The following HDAC9 variants were observed in gnomAD, a reference collection of about 807,000 sequenced individuals.
HDAC9 encodes histone deacetylase 9.
Under a neutral mutation model 139.4 loss-of-function variants are expected in HDAC9, and 41 were observed. That is an observed-to-expected ratio of 0.29 (90% CI 0.23 to 0.38). HDAC9 has a LOEUF of 0.38. Among genes scored for constraint, HDAC9 ranks in the 10% least tolerant of loss-of-function variants. The pLI, the probability that HDAC9 is intolerant of heterozygous loss-of-function variation, is 1.00. For synonymous variants in HDAC9, 517 were observed against 476.2 expected (o/e 1.09, Z -1.12); for missense variants, 1,147 against 1,297.0 (o/e 0.88, Z 1.78).
intron 2 of HDAC9, among the ~76,000 whole-genome samples, chr7:18,267,969 A>G (rs1232411066): frequency 1.3e-5 from 2 of 152,094 alleles, no homozygotes; most frequent in Non-Finnish European, 2.9e-5. Context: ...AGTATTTCCA[A>G]TTTTACTCTT....
intron 1 of HDAC9, among the ~76,000 whole-genome samples, chr7:18,433,290 T>C (rs1041587438): frequency 6.6e-6 from 1 of 152,018 alleles, no homozygotes; most frequent in African/African-American, 2.4e-5. Flanking sequence ...AACAACATAC[T>C]GAACAGGCAA....
intron 2 of HDAC9, among the ~76,000 whole-genome samples, chr7:18,196,787 A>G (rs1393663987): frequency 6.6e-6 from 1 of 152,156 alleles, no homozygotes; most frequent in Non-Finnish European, 1.5e-5. Flanking sequence ...TTACATCATA[A>G]GGACCTGAAC....
intron 24 of HDAC9, among the ~76,000 whole-genome samples, chr7:18,963,689 T>G (rs1783674026): frequency 6.6e-6 from 1 of 152,112 alleles, no homozygotes; most frequent in African/African-American, 2.4e-5. Flanking sequence ...CTCCTATGGA[T>G]AAAGAATGAA....
At chr7:18,609,625 T>A (rs147511314) in intron 6 of HDAC9, among the ~76,000 whole-genome samples, 23 of 152,284 alleles carry the variant, frequency 1.5e-4, no homozygotes, top group African/African-American at 5.1e-4. Context: ...GTTAATTTTT[T>A]AAATATATAT....
At chr7:18,425,480 G>C (rs547135259) in intron 1 of HDAC9, among the ~76,000 whole-genome samples, 3 of 152,190 alleles carry the variant, frequency 2.0e-5, no homozygotes, top group African/African-American at 7.2e-5. Context: ...GCTGCTATCT[G>C]ATATTCCACT....
intron 1 of HDAC9, among the ~76,000 whole-genome samples, chr7:18,442,457 A>G (rs956237725): frequency 1.3e-5 from 2 of 152,204 alleles, no homozygotes; most frequent in Non-Finnish European, 2.9e-5. Context: ...CTTCCACTCC[A>G]TGCTATCATG....
At chr7:18,744,630 C>T (rs542168618) in intron 13 of HDAC9, among the ~76,000 whole-genome samples, 95 of 152,192 alleles carry the variant, frequency 6.2e-4, no homozygotes, top group Admixed American at 1.2e-3. Context: ...TATAAAGACT[C>T]TATAGACTCA....
chr7:18,683,336 A>G (rs1283843065), intron 12 of HDAC9, among the ~76,000 whole-genome samples: 1 of 152,098 alleles, frequency 6.6e-6, no homozygotes, highest in Non-Finnish European at 1.5e-5. Context: ...CAAAATATAT[A>G]TAAAGCACAA....
chr7:18,238,412 A>G (rs1793967327), intron 2 of HDAC9, among the ~76,000 whole-genome samples: 1 of 152,320 alleles, frequency 6.6e-6, no homozygotes, highest in African/African-American at 2.4e-5. Context: ...TGAACTTTCC[A>G]CAGTGCCATA....
At chr7:18,192,546 T>C (rs1015423149) in intron 2 of HDAC9, among the ~76,000 whole-genome samples, 8 of 151,896 alleles carry the variant, frequency 5.3e-5, no homozygotes, top group African/African-American at 1.9e-4. Flanking sequence ...AAGGTAAAGG[T>C]GTTGTAGGGG....
intron 2 of HDAC9, among the ~76,000 whole-genome samples, chr7:18,560,528 T>TGCCTGTTGTGC (rs1214765038): frequency 6.6e-6 from 1 of 152,136 alleles, no homozygotes; most frequent in Non-Finnish European, 1.5e-5. Flanking sequence ...CCTTGTTGTG[T>TGCCTGTTGTGC]AAAGTGTGCC....
intron 1 of HDAC9, among the ~76,000 whole-genome samples, chr7:18,405,757 A>C (rs1307997976): frequency 6.6e-6 from 1 of 152,258 alleles, no homozygotes; most frequent in Non-Finnish European, 1.5e-5. Context: ...AAATAGTTCA[A>C]GTTCAGATAA....
intron 16 of HDAC9, among the ~76,000 whole-genome samples, chr7:18,784,795 A>C (rs562238739): frequency 6.6e-6 from 1 of 152,264 alleles, no homozygotes; most frequent in East Asian, 1.9e-4. Flanking sequence ...CAGTGCCCAC[A>C]TATATTTCAC....
At chr7:18,433,526 T>C (rs917080185) in intron 1 of HDAC9, among the ~76,000 whole-genome samples, 1 of 152,160 alleles carries the variant, frequency 6.6e-6, no homozygotes, top group Non-Finnish European at 1.5e-5. Context: ...AGCTATAGTC[T>C]CTGCCCAAAA....
chr7:18,671,148 C>T (rs1795652960), intron 12 of HDAC9, among the ~76,000 whole-genome samples: 1 of 151,958 alleles, frequency 6.6e-6, no homozygotes, highest in South Asian at 2.1e-4. Flanking sequence ...CTGCCTTTTA[C>T]AGACTTTTTA....
intron 6 of HDAC9, among the ~76,000 whole-genome samples, chr7:18,627,600 A>G (rs1272967471): frequency 6.6e-6 from 1 of 152,198 alleles, no homozygotes; most frequent in East Asian, 1.9e-4. Context: ...ACTGAGATAG[A>G]TTCCTACACT....
At chr7:18,272,263 C>T (rs781632394) in intron 2 of HDAC9, among the ~76,000 whole-genome samples, 22 of 152,184 alleles carry the variant, frequency 1.4e-4, no homozygotes, top group South Asian at 2.1e-4. Flanking sequence ...TTGAAAGCAG[C>T]GCATCATTCA....
intron 1 of HDAC9, among the ~76,000 whole-genome samples, chr7:18,130,458 G>C (rs1784931505): frequency 6.6e-6 from 1 of 151,868 alleles, no homozygotes. Flanking sequence ...GCTTTTTTTG[G>C]TGTTTCATTT....
chr7:18,174,923 TGAG>T (rs759734841), intron 2 of HDAC9, among the ~76,000 whole-genome samples: 2 of 152,206 alleles, frequency 1.3e-5, no homozygotes, highest in Non-Finnish European at 2.9e-5. Context: ...GGGACCCACT[TGAG>T]GAGGCAGTCT....
Sources: gnomAD v4.1 joint callset for allele counts (sites outside exome capture counted in the v4.1 genomes callset) on GRCh38, gnomAD v4.1.1 for gene constraint, MANE v1.5 for transcripts, NCBI Gene and HGNC (gene_info 2026-07-23, HGNC 2026-07-21) for gene names.